The following ACTR3C variants were observed in gnomAD, a reference collection of about 807,000 sequenced individuals.
ACTR3C encodes actin-related protein 3C.
A neutral mutation model predicts 26.3 loss-of-function variants in ACTR3C; 18 were observed. The observed-to-expected ratio is 0.68, with a 90% CI of 0.47 to 1.01. ACTR3C has a LOEUF of 1.01. Among genes scored for constraint, ACTR3C ranks in the 50% least tolerant of loss-of-function variants. The pLI is 0.00. For synonymous variants in ACTR3C, 55 were observed against 94.5 expected (o/e 0.58, Z 2.42); for missense variants, 184 against 250.7 (o/e 0.73, Z 1.80).
downstream of ACTR3C, chr7:150,246,923 G>A (rs745395700): frequency 6.6e-6 from 1 of 152,258 alleles, no homozygotes; most frequent in Non-Finnish European, 1.5e-5. Flanking sequence ...TTCTTGAGTA[G>A]CTGGGGTTAC....
the ACTR3C span, among the ~76,000 whole-genome samples, chr7:150,157,324 G>A: frequency 2.0e-5 from 3 of 151,872 alleles, no homozygotes; most frequent in African/African-American, 7.3e-5. Context: ...GGAGAGAATA[G>A]GCTGAAAAAT....
chr7:150,243,296 T>C (rs1290182707), downstream of ACTR3C, among the ~76,000 whole-genome samples: 1 of 152,100 alleles, frequency 6.6e-6, no homozygotes, highest in African/African-American at 2.4e-5. Context: ...GAATTCTTTT[T>C]CATTTCTTGG....
rs768118704 is a variant in ACTR3C at position 150,289,633 on chromosome 7, T to A, written c.154-40A>T. On this transcript the variant is annotated intron_variant, in intron 3 of 7. Transcript: ENST00000683684. ...GAGGCAGAACAGCTGTGTTAGTGAT[T>A]TCGTGGTGGAGAGCAGCCTGGACTC... 3.4e-5 allele frequency: 53 copies of A among 1,568,350 alleles called. No homozygotes were observed. In the Admixed American group the frequency reaches 8.8e-4, roughly 26 times the overall value.
rs1405155626 is a variant in ACTR3C at position 150,323,473 on chromosome 7, C to T, written c.-56G>A. On this transcript the variant is annotated 5_prime_UTR_variant, in exon 1 of 8. Transcript: ENST00000683684. The stretch of plus-strand genomic sequence containing the variant: ...CGGCGGGGCTGCGGCTCTTACCTGC[C>T]GAGGAGGCGCCGGCTCTGCGGTGCG... 3 of 406,622 alleles carry T rather than the reference C, an allele frequency of 7.4e-6. No homozygotes were observed. Among genetic ancestry groups the T allele is most frequent in the Admixed American group, 5.7e-5 (2 of 34,864 alleles). The allele number at this position is 406,622 out of a possible 1,614,324, so 25.2% of individuals were successfully genotyped here. A position where few individuals can be genotyped will look rare whatever the true frequency, so the allele number is the denominator to read the frequency against.
rs544348255 is a variant in ACTR3C, at chr7:150,320,680, T to C, written c.-52+2789A>G. Among the ~76,000 whole-genome samples the C allele has an allele frequency of 1.3e-5, 2 of 152,322 alleles. 1 individual carries two copies. Among genetic ancestry groups the C allele is most frequent in the South Asian group, 4.1e-4 (2 of 4,824 alleles). On this transcript the variant is annotated intron_variant, in intron 1 of 7. Coordinates refer to ENST00000683684, the MANE Select transcript of ACTR3C (RefSeq NM_001164458.2). Reference sequence around the variant, plus strand: ...TCGAAGGCTGAAGCAGGAGAATCACTTGAACCCGGGAGGCAGAGGTTGCAG... The same window carrying C: ...TCGAAGGCTGAAGCAGGAGAATCACCTGAACCCGGGAGGCAGAGGTTGCAG...
the ACTR3C span, among the ~76,000 whole-genome samples, chr7:150,211,465 G>A: frequency 6.6e-6 from 1 of 151,610 alleles, no homozygotes; most frequent in African/African-American, 2.4e-5. Flanking sequence ...TATTTTAGTA[G>A]AGATGGGGTT....
the ACTR3C span, among the ~76,000 whole-genome samples, chr7:150,038,298 C>G: frequency 6.9e-6 from 1 of 144,662 alleles, no homozygotes; most frequent in Non-Finnish European, 1.5e-5. Flanking sequence ...GGCTACGGGC[C>G]TCAGCCAGGG....
the ACTR3C span, among the ~76,000 whole-genome samples, chr7:150,197,908 G>A: frequency 1.3e-3 from 194 of 144,880 alleles, 1 homozygote; most frequent in Non-Finnish European, 2.2e-3. Context: ...ATGCGGAGCC[G>A]AAGCTGGACT....
At chr7:150,020,956 G>A in the ACTR3C span, among the ~76,000 whole-genome samples, 1 of 151,948 alleles carries the variant, frequency 6.6e-6, no homozygotes, top group Non-Finnish European at 1.5e-5. Flanking sequence ...GAGTAGCTGA[G>A]ATTACAGGCA....
the ACTR3C span, among the ~76,000 whole-genome samples, chr7:150,143,306 TTAA>T: frequency 6.6e-6 from 1 of 152,222 alleles, no homozygotes; most frequent in South Asian, 2.1e-4. Context: ...CCTATAAATA[TTAA>T]TGACTTATGA....
At chr7:150,223,846 C>T in the ACTR3C span, among the ~76,000 whole-genome samples, 1 of 152,172 alleles carries the variant, frequency 6.6e-6, no homozygotes, top group Non-Finnish European at 1.5e-5. Context: ...CACTAGACAG[C>T]ACTCAATTTT....
the ACTR3C span, among the ~76,000 whole-genome samples, chr7:149,937,935 C>T: frequency 6.6e-6 from 1 of 152,074 alleles, no homozygotes; most frequent in African/African-American, 2.4e-5. Flanking sequence ...TCAGAGACTC[C>T]AGTCCCAGCG....
chr7:150,317,260 G>A (rs1797026938), intron 1 of ACTR3C, among the ~76,000 whole-genome samples: 1 of 152,090 alleles, frequency 6.6e-6, no homozygotes, highest in Non-Finnish European at 1.5e-5. Flanking sequence ...ATGTTGGCCA[G>A]GCTGGTCTCG....
chr7:150,265,947 G>A (rs183609312), intron 6 of ACTR3C, among the ~76,000 whole-genome samples: 35 of 151,992 alleles, frequency 2.3e-4, no homozygotes, highest in Non-Finnish European at 4.9e-4. Context: ...GTTCTTTTAC[G>A]TTACCACAGT....
the ACTR3C span, chr7:150,001,304 G>C: frequency 6.6e-6 from 1 of 152,128 alleles, no homozygotes; most frequent in Non-Finnish European, 1.5e-5. Flanking sequence ...TGAAAACACA[G>C]AGGTTCCCTC....
chr7:150,265,674 A>G (rs935198672), intron 6 of ACTR3C, among the ~76,000 whole-genome samples: 11 of 152,168 alleles, frequency 7.2e-5, no homozygotes, highest in African/African-American at 2.7e-4. Flanking sequence ...ACCCTGGGCA[A>G]CTCCATCTCA....
the ACTR3C span, among the ~76,000 whole-genome samples, chr7:150,167,717 G>T: frequency 6.6e-6 from 1 of 150,670 alleles, no homozygotes; most frequent in South Asian, 2.1e-4. Flanking sequence ...GCAGGATGGT[G>T]TGTGCATGGA....
At chr7:150,214,192 A>C in the ACTR3C span, among the ~76,000 whole-genome samples, 4 of 152,360 alleles carry the variant, frequency 2.6e-5, no homozygotes, top group East Asian at 5.8e-4. Flanking sequence ...TCAACATACA[A>C]GGACATTTTA....
At chr7:150,241,073 C>T (rs6962752), downstream of ACTR3C, among the ~76,000 whole-genome samples, 27,592 of 149,976 alleles carry the variant, frequency 0.18, 4,453 homozygotes, top group African/African-American at 0.43. Context: ...TGGAGAGATA[C>T]AGTTTATGAA....
Sources: allele counts gnomAD v4.1 joint callset (sites outside exome capture counted in the v4.1 genomes callset), GRCh38; gene constraint gnomAD v4.1.1; transcripts MANE v1.5; gene names NCBI Gene and HGNC (gene_info 2026-07-23, HGNC 2026-07-21).